The following PRICKLE2 variants were observed in gnomAD, a reference collection of about 807,000 sequenced individuals.
The protein encoded by PRICKLE2 is prickle planar cell polarity protein 2.
PRICKLE2 carries 21 observed loss-of-function variants against 81.4 expected under a neutral mutation model. The ratio of observed to expected loss-of-function variants is 0.26; its 90% confidence interval spans 0.18 to 0.37. The LOEUF (loss-of-function observed/expected upper bound fraction) is 0.37. PRICKLE2 is among the 10% of genes least tolerant of loss of function. The probability of loss-of-function intolerance (pLI) is 1.00; values close to 1 mark genes in which losing one functional copy is unlikely to be tolerated. For synonymous variants in PRICKLE2, 456 were observed against 421.5 expected, an observed-to-expected ratio of 1.08 and a Z score of -1.00; for missense variants, 940 against 1,109.0, an observed-to-expected ratio of 0.85 and a Z score of 2.16.
intron 7 of PRICKLE2, among the ~76,000 whole-genome samples, chr3:64,117,135 T>C (rs2076947387): frequency 6.6e-6 from 1 of 152,232 alleles, no homozygotes; most frequent in South Asian, 2.1e-4. Flanking sequence ...AAAAGGATTT[T>C]GATAAAATTC....
At chr3:64,138,026 C>T (rs1476466546) in intron 7 of PRICKLE2, among the ~76,000 whole-genome samples, 1 of 152,084 alleles carries the variant, frequency 6.6e-6, no homozygotes, top group African/African-American at 2.4e-5. Context: ...TCCAGAAAAC[C>T]ATAGCTGAAA....
intron 1 of PRICKLE2, among the ~76,000 whole-genome samples, chr3:64,223,309 C>T (rs1276773206): frequency 6.6e-6 from 1 of 152,196 alleles, no homozygotes; most frequent in East Asian, 1.9e-4. Flanking sequence ...ACCTATCACC[C>T]TAACTATAGA....
intron 2 of PRICKLE2, among the ~76,000 whole-genome samples, chr3:64,265,051 C>T (rs1316584026): frequency 1.3e-5 from 2 of 152,204 alleles, no homozygotes; most frequent in Non-Finnish European, 2.9e-5. Flanking sequence ...TTCCATTCTT[C>T]TGGAAGTTGT....
chr3:64,135,548 C>CT (rs1025030865), intron 7 of PRICKLE2, among the ~76,000 whole-genome samples: 30 of 152,242 alleles, frequency 2.0e-4, no homozygotes, highest in African/African-American at 7.0e-4. Flanking sequence ...AAGACCCAGA[C>CT]TTTATCTTCT....
chr3:64,185,227 T>C (rs2078202791), intron 2 of PRICKLE2, among the ~76,000 whole-genome samples: 1 of 152,090 alleles, frequency 6.6e-6, no homozygotes, highest in South Asian at 2.1e-4. Context: ...TAACACCCTT[T>C]GGCAAGAGTC....
rs1395799148 is a variant in PRICKLE2 at position 64,198,907 on chromosome 3, C to T, written c.21G>A (p.Leu7=). The T allele has an allele frequency of 1.2e-6, 2 of 1,614,206 alleles. No individual in the cohort carries two copies. Among genetic ancestry groups the T allele is most frequent in the Non-Finnish European group, 1.7e-6 (2 of 1,180,038 alleles). The change falls in exon 2 of 8, where the codon CTG becomes CTA. Residue 7 remains leucine (L), a synonymous_variant. Transcript: ENST00000638394. MVTVMP[L]EMEKTISKLM... ...GTTTGCTGATGGTCTTCTCCATCTC[C>T]AGCGGCATCACTGTCACCATGTGCT...
At chr3:64,165,917 T>A (rs1038759781) in intron 2 of PRICKLE2, among the ~76,000 whole-genome samples, 2 of 152,004 alleles carry the variant, frequency 1.3e-5, no homozygotes, top group African/African-American at 4.8e-5. Context: ...TACAATGGTA[T>A]TAAAGCTAGT....
At chr3:64,184,138 G>A (rs749621612) in intron 2 of PRICKLE2, among the ~76,000 whole-genome samples, 8 of 152,190 alleles carry the variant, frequency 5.3e-5, no homozygotes, top group African/African-American at 9.7e-5. Flanking sequence ...TGTTTCCCCA[G>A]ATAGGCCTTA....
chr3:64,189,439 C>T (rs1470720603), intron 2 of PRICKLE2, among the ~76,000 whole-genome samples: 1 of 152,150 alleles, frequency 6.6e-6, no homozygotes, highest in African/African-American at 2.4e-5. Flanking sequence ...GGATCTGATT[C>T]CCTGAGTGGA....
intron 2 of PRICKLE2, among the ~76,000 whole-genome samples, chr3:64,266,481 T>C (rs6787027): frequency 0.052 from 7,849 of 152,246 alleles, 680 homozygotes; most frequent in African/African-American, 0.18. Context: ...ATCATTTTTA[T>C]ATGCCTCCCT....
At chr3:64,203,580 C>T (rs185145217) in intron 1 of PRICKLE2, among the ~76,000 whole-genome samples, 97 of 152,094 alleles carry the variant, frequency 6.4e-4, no homozygotes, top group Non-Finnish European at 1.0e-3. Flanking sequence ...CATGATTTAA[C>T]GAACTGAGGA....
At chr3:64,174,122 C>T (rs537656579) in intron 2 of PRICKLE2, among the ~76,000 whole-genome samples, 97 of 152,038 alleles carry the variant, frequency 6.4e-4, no homozygotes, top group Non-Finnish European at 1.2e-3. Flanking sequence ...GTCAGTGATT[C>T]TTAATAGAGA....
chr3:64,177,356 C>T lies in PRICKLE2; in HGVS notation c.145-14227G>A, dbSNP rs547953406. Among the ~76,000 whole-genome samples the T allele has an allele frequency of 2.0e-5, 3 of 151,924 alleles. No individual in the cohort carries two copies. In the South Asian group the frequency reaches 6.2e-4, roughly 32 times the overall value. On this transcript the variant is annotated intron_variant, in intron 2 of 7. Transcript: ENST00000638394. ...CTCACCATGTTGGCCAGGCTGGTCT[C>T]GAACTCCTGACCTCGATCCACTTGC...
intron 5 of PRICKLE2, 49 bp downstream of exon 5, chr3:64,157,113 T>C: frequency 6.6e-7 from 1 of 1,525,678 alleles, no homozygotes; most frequent in Non-Finnish European, 9.1e-7. Flanking sequence ...TTGGCTATGG[T>C]GCAATGAAGG....
intron 2 of PRICKLE2, chr3:64,174,409 C>T (rs903165806): frequency 6.7e-6 from 1 of 149,310 alleles, no homozygotes; most frequent in African/African-American, 2.4e-5. Context: ...AGATGGCAGC[C>T]GCTGTGGGAA....
chr3:64,178,291 T>A (rs1000404943), intron 2 of PRICKLE2, among the ~76,000 whole-genome samples: 5 of 152,220 alleles, frequency 3.3e-5, no homozygotes, highest in African/African-American at 1.2e-4. Flanking sequence ...TAAACCCTTA[T>A]CTATACCATG....
rs2076541759 is a variant in PRICKLE2 at position 64,094,397 on chromosome 3, G to A, written c.*4654C>T. The A allele has an allele frequency of 6.6e-6, 1 of 152,190 alleles. No individual in the cohort carries two copies. The highest frequency in any genetic ancestry group is 6.5e-5 in the Admixed American group (1 of 15,284). The allele number at this position is 152,190 out of a possible 1,614,324, so 9.4% of individuals were successfully genotyped here. ...AATATCAATGGCCAAATGCCAAGCA[G>A]AGTGAAGGGATATCTCAGAGAACTC... On this transcript the variant is annotated 3_prime_UTR_variant, in exon 8 of 8. Coordinates refer to ENST00000638394, the MANE Select transcript of PRICKLE2 (RefSeq NM_198859.4).
rs2077783908 is a variant in PRICKLE2 at position 64,164,092 on chromosome 3, G to T, written c.145-963C>A. Among the ~76,000 whole-genome samples, 4 of 152,252 alleles carry T rather than the reference G, an allele frequency of 2.6e-5. No individual in the cohort carries two copies. In the South Asian group the frequency reaches 6.2e-4, roughly 24 times the overall value. On this transcript the variant is annotated intron_variant, in intron 2 of 7. Coordinates refer to ENST00000638394, the MANE Select transcript of PRICKLE2 (RefSeq NM_198859.4). ...AGGGCTCTGAAAGTCATCATATTTG[G>T]CCAGGCATGGTGGCTCACACCTGAA...
intron 2 of PRICKLE2, among the ~76,000 whole-genome samples, chr3:64,238,485 CAAAAAAAA>C (rs11291908): frequency 9.6e-6 from 1 of 104,506 alleles, no homozygotes. Flanking sequence ...GACTCCGTCT[CAAAAAAAA>C]AAAAAAAGAA....
Sources: allele counts gnomAD v4.1 joint callset (sites outside exome capture counted in the v4.1 genomes callset), GRCh38; gene constraint gnomAD v4.1.1; transcripts MANE v1.5; gene names NCBI Gene and HGNC (gene_info 2026-07-23, HGNC 2026-07-21).